SPART: variants seen among roughly 807,000 people sequenced by gnomAD.
The protein encoded by SPART is spartin.
In SPART, 35 loss-of-function variants were observed where a neutral mutation model predicts 58.7. The ratio of observed to expected loss-of-function variants is 0.60; its 90% CI spans 0.46 to 0.79. The LOEUF is 0.79. Ranked by LOEUF, SPART falls within the 30% of genes least tolerant of loss-of-function variation. The probability of loss-of-function intolerance (pLI) is 0.00; values close to 1 mark genes in which losing one functional copy is unlikely to be tolerated. For missense variants in SPART, 730 were observed against 786.1 expected (o/e 0.93, Z 0.85); for synonymous variants, 284 against 280.7 (o/e 1.01, Z -0.12).
chr13:36,358,501 C>A (rs1474198911), intron 1 of SPART, among the ~76,000 whole-genome samples: 1 of 152,110 alleles, frequency 6.6e-6, no homozygotes, highest in African/African-American at 2.4e-5. Flanking sequence ...CTATTACTGA[C>A]AAAAAGAAGC....
upstream of SPART, among the ~76,000 whole-genome samples, chr13:36,346,971 GTGTTTTAAGTCT>G (rs1252849064): frequency 6.6e-6 from 1 of 152,152 alleles, no homozygotes; most frequent in Non-Finnish European, 1.5e-5. Context: ...CCTGCACCAC[GTGTTTTAAGTCT>G]TGGTGTGTGT....
intron 8 of SPART, 73 bp from the exon 9 acceptor site, chr13:36,304,705 A>G (rs1880332577): frequency 3.4e-6 from 5 of 1,487,840 alleles, no homozygotes; most frequent in Non-Finnish European, 4.6e-6. Flanking sequence ...TTAGTATTAA[A>G]TAAGTCAAAT....
intron 1 of SPART, among the ~76,000 whole-genome samples, chr13:36,361,998 A>C (rs1370710374): frequency 6.6e-6 from 1 of 152,008 alleles, no homozygotes; most frequent in Non-Finnish European, 1.5e-5. Context: ...TGCCTAGGAC[A>C]CTCCATTGTA....
At chr13:36,363,902 A>T (rs1236290859) in intron 1 of SPART, among the ~76,000 whole-genome samples, 1 of 152,208 alleles carries the variant, frequency 6.6e-6, no homozygotes, top group Admixed American at 6.5e-5. Flanking sequence ...ACCATAGTAC[A>T]TTATGAAAAT....
In SPART at chr13:36,335,322, G is replaced by T; in HGVS notation, c.509C>A (p.Ala170Asp). 1.9e-6 allele frequency: 3 copies of T among 1,614,002 alleles called. No homozygotes were observed. Among genetic ancestry groups the T allele is most frequent in the Non-Finnish European group, 2.5e-6 (3 of 1,179,930 alleles). ...SLPSQSCPAE[A>D]PPAYTPQAAE... ...AGCTTGAGGAGTATAAGCAGGAGGA[G>T]CTTCTGCTGGACAACTTTGTGATGG... is the stretch of plus-strand genomic sequence containing the variant. Residue 170 changes from alanine to aspartate, a missense_variant, in exon 2 of 9, where the codon GCT (alanine) becomes GAT (aspartate). Coordinates refer to ENST00000438666, the MANE Select transcript of SPART (RefSeq NM_015087.5).
At chr13:36,363,980 A>G (rs1177908854) in intron 1 of SPART, among the ~76,000 whole-genome samples, 1 of 152,094 alleles carries the variant, frequency 6.6e-6, no homozygotes, top group Admixed American at 6.5e-5. Context: ...ACCAGTTTTT[A>G]CATGCACTCT....
chr13:36,357,313 A>G (rs972306685), intron 1 of SPART, among the ~76,000 whole-genome samples: 2 of 152,190 alleles, frequency 1.3e-5, no homozygotes. Context: ...CCCATGGGAT[A>G]GTTTTCTGGG....
intron 1 of SPART, among the ~76,000 whole-genome samples, chr13:36,345,208 G>A (rs1299287482): frequency 1.3e-5 from 2 of 152,138 alleles, no homozygotes; most frequent in Non-Finnish European, 2.9e-5. Context: ...GTAGCATCCC[G>A]CTCATTCTAG....
At chr13:36,364,865 A>G (rs1007447437) in intron 1 of SPART, among the ~76,000 whole-genome samples, 5 of 152,146 alleles carry the variant, frequency 3.3e-5, no homozygotes, top group Non-Finnish European at 5.9e-5. Flanking sequence ...GAGGCCTCCT[A>G]TGTGACCTCT....
intron 8 of SPART, among the ~76,000 whole-genome samples, chr13:36,310,344 T>G (rs1465515229): frequency 1.3e-5 from 2 of 151,986 alleles, no homozygotes; most frequent in Non-Finnish European, 2.9e-5. Flanking sequence ...GCAACTCAGG[T>G]CCTTCATACT....
intron 5 of SPART, among the ~76,000 whole-genome samples, chr13:36,323,888 T>TA (rs909165575): frequency 9.2e-5 from 14 of 152,200 alleles, no homozygotes; most frequent in Non-Finnish European, 1.9e-4. Context: ...TCTTAAGTAA[T>TA]AAAGAAGTCC....
chr13:36,321,594 G>A (rs1882403659), intron 5 of SPART, among the ~76,000 whole-genome samples: 1 of 151,942 alleles, frequency 6.6e-6, no homozygotes, highest in African/African-American at 2.4e-5. Context: ...CCCACTCTAG[G>A]TTCCCACGCC....
intron 1 of SPART, among the ~76,000 whole-genome samples, chr13:36,351,593 A>G (rs1885411906): frequency 6.6e-6 from 1 of 152,156 alleles, no homozygotes; most frequent in Non-Finnish European, 1.5e-5. Flanking sequence ...TAATAACGTA[A>G]ATGTTCTCGG....
intron 1 of SPART, among the ~76,000 whole-genome samples, chr13:36,362,565 G>A (rs373643509): frequency 6.6e-6 from 1 of 152,106 alleles, no homozygotes; most frequent in South Asian, 2.1e-4. Flanking sequence ...TTGCTCTCAG[G>A]ATGCAGAATC....
Position 36,303,408 on chromosome 13 carries a change from G to C in SPART, c.*957C>G, listed in dbSNP as rs1185486570. On this transcript the variant is annotated 3_prime_UTR_variant, in exon 9 of 9. Transcript: ENST00000438666. ...ATAATGCCTATCCACCATGGATTAC[G>C]TCTAAGGTTTTCATATTCTTTACCC... 1 of 152,050 alleles carries C rather than the reference G, an allele frequency of 6.6e-6. No homozygotes were observed. The highest frequency in any genetic ancestry group is 1.5e-5 in the Non-Finnish European group (1 of 67,992). 9.4% of individuals were successfully genotyped at this position (152,050 alleles called of 1,614,324 possible). A position where few individuals can be genotyped will look rare whatever the true frequency, so the allele number is the denominator to read the frequency against.
chr13:36,304,759 C>T (rs1371421069), intron 8 of SPART, 127 bp from the exon 9 acceptor site: 1 of 946,024 alleles, frequency 1.1e-6, no homozygotes, highest in African/African-American at 1.7e-5. Context: ...GCTTAGGTTT[C>T]AATTTAATTA....
chr13:36,346,472 G>C (rs1448864207), upstream of SPART: 4 of 152,762 alleles, frequency 2.6e-5, no homozygotes, highest in East Asian at 3.8e-4. Flanking sequence ...TCCCGCCACA[G>C]AGCCCGCAGC....
At chr13:36,333,021 TC>T (rs371507632) in intron 2 of SPART, among the ~76,000 whole-genome samples, 59 of 150,716 alleles carry the variant, frequency 3.9e-4, no homozygotes, top group East Asian at 1.8e-3. Context: ...CTTTTTTTTT[TC>T]TTTTTTTTAA....
Position 36,302,140 on chromosome 13 carries a change from C to A in SPART, c.*2225G>T, listed in dbSNP as rs998931018. 6.6e-6 allele frequency: 1 copy of A among 152,192 alleles called. No homozygotes were observed. Among genetic ancestry groups the A allele is most frequent in the African/African-American group, 2.4e-5 (1 of 41,522 alleles). The allele number at this position is 152,192 out of a possible 1,614,324, so 9.4% of individuals were successfully genotyped here. On this transcript the variant is annotated 3_prime_UTR_variant, in exon 9 of 9. Transcript: ENST00000438666. ...GAAAGAGGTAAGAAAATAGGAAGAA[C>A]ATACATATAGGTAATTGGCAGCTTT...
Sources: allele counts gnomAD v4.1 joint callset (sites outside exome capture counted in the v4.1 genomes callset), GRCh38; gene constraint gnomAD v4.1.1; transcripts MANE v1.5; gene names NCBI Gene and HGNC (gene_info 2026-07-23, HGNC 2026-07-21).